TTLL11: variants seen among roughly 807,000 people sequenced by gnomAD.
The protein encoded by TTLL11 is tubulin tyrosine ligase like 11.
In TTLL11, 42 loss-of-function variants were observed where a neutral mutation model predicts 51.7. That is an observed-to-expected ratio of 0.81 (90% CI 0.64 to 1.05). The LOEUF is 1.05. Among genes scored for constraint, TTLL11 ranks in the 50% least tolerant of loss-of-function variants. The pLI is 0.00. For missense variants in TTLL11, 799 were observed against 940.4 expected (o/e 0.85, Z 1.97); for synonymous variants, 381 against 383.5 (o/e 0.99, Z 0.08).
chr9:121,916,048 G>A (rs1388065145), intron 6 of TTLL11, among the ~76,000 whole-genome samples: 1 of 150,148 alleles, frequency 6.7e-6, no homozygotes, highest in Admixed American at 6.6e-5. Context: ...GGGGGTTCCT[G>A]GCAATGTTGT....
intron 3 of TTLL11, among the ~76,000 whole-genome samples, chr9:121,996,689 C>T (rs753886463): frequency 1.3e-5 from 2 of 152,230 alleles, no homozygotes; most frequent in Non-Finnish European, 2.9e-5. Context: ...TTCTGATATC[C>T]AACCCTAAGC....
At chr9:122,062,701 A>G (rs1008418271) in intron 1 of TTLL11, among the ~76,000 whole-genome samples, 16 of 151,132 alleles carry the variant, frequency 1.1e-4, no homozygotes, top group Non-Finnish European at 3.0e-5. Flanking sequence ...ACTCCTGACC[A>G]CAGGTGATCC....
intron 8 of TTLL11, among the ~76,000 whole-genome samples, chr9:121,849,039 A>G (rs1837594258): frequency 6.6e-6 from 1 of 152,264 alleles, no homozygotes; most frequent in Non-Finnish European, 1.5e-5. Flanking sequence ...TGGTATTAGT[A>G]AAAGAATAGG....
intron 3 of TTLL11, among the ~76,000 whole-genome samples, chr9:122,003,878 G>T (rs749339804): frequency 9.9e-5 from 15 of 151,024 alleles, no homozygotes; most frequent in Non-Finnish European, 1.9e-4. Flanking sequence ...AGCACTTTGG[G>T]AGGCCGAGGT....
rs549707463 is a variant in TTLL11, at chr9:121,818,703, A to C, written c.*3884T>G. The stretch of plus-strand genomic sequence containing the variant: ...CCACTGGGCAGAGGAAGGCCATTCC[A>C]GGCAGAGGGGCCAGCAAGACAAGGG... On this transcript the variant is annotated 3_prime_UTR_variant, in exon 9 of 9. Transcript: ENST00000321582. 1 of 152,692 alleles carries C rather than the reference A, an allele frequency of 6.5e-6. No individual in the cohort carries two copies. The highest frequency in any genetic ancestry group is 1.9e-4 in the East Asian group (1 of 5,194). The allele number at this position is 152,692 out of a possible 1,614,324, so 9.5% of individuals were successfully genotyped here. A position where few individuals can be genotyped will look rare whatever the true frequency, so the allele number is the denominator to read the frequency against.
intron 8 of TTLL11, among the ~76,000 whole-genome samples, chr9:121,852,984 G>C (rs1361159151): frequency 6.6e-6 from 1 of 152,218 alleles, no homozygotes; most frequent in African/African-American, 2.4e-5. Flanking sequence ...ATGTATAAAG[G>C]AGACTGCGCT....
chr9:121,951,311 A>G (rs1427130632), intron 6 of TTLL11, among the ~76,000 whole-genome samples: 1 of 152,140 alleles, frequency 6.6e-6, no homozygotes, highest in Non-Finnish European at 1.5e-5. Flanking sequence ...TTTTTGTAAG[A>G]GCTGACAGAA....
chr9:121,974,051 G>A lies in TTLL11; in HGVS notation c.1439C>T (p.Thr480Ile). ...EEVKVAVIRD[T>I]LRLMDPLKKK... ...CTTAAGTGGGTCCATGAGGCGCAGA[G>A]TGTCTCTGATCACAGCCACTTTCAC... Residue 480 changes from threonine (T) to isoleucine (I), a missense_variant, in exon 6 of 9, where the codon ACT becomes ATT. Thr to Ile is a moderately conservative substitution (Grantham distance 89, BLOSUM62 -1). This residue lies in a region of TTLL11 where 468 missense variants were observed against 612.8 expected (regional missense o/e 0.76). Transcript: ENST00000321582. 1 of 1,551,738 alleles carries A rather than the reference G, an allele frequency of 6.4e-7. No homozygotes were observed. The highest frequency in any genetic ancestry group is 8.7e-7 in the Non-Finnish European group (1 of 1,146,998).
intron 6 of TTLL11, among the ~76,000 whole-genome samples, chr9:121,958,190 C>T (rs891126689): frequency 1.3e-5 from 2 of 152,224 alleles, no homozygotes; most frequent in African/African-American, 2.4e-5. Context: ...CAACTAAGAC[C>T]TGAATGGCTA....
chr9:121,973,709 G>A (rs1240908474), intron 6 of TTLL11, among the ~76,000 whole-genome samples: 2 of 151,948 alleles, frequency 1.3e-5, no homozygotes, highest in Non-Finnish European at 2.9e-5. Flanking sequence ...AAACCTGCAC[G>A]TTGTGCACAT....
chr9:122,025,861 T>C (rs1411126015), intron 3 of TTLL11, among the ~76,000 whole-genome samples: 1 of 152,160 alleles, frequency 6.6e-6, no homozygotes, highest in Non-Finnish European at 1.5e-5. Flanking sequence ...GGTGTATTTG[T>C]AACAGCCAGA....
At chr9:121,998,109 A>T (rs1843335973) in intron 3 of TTLL11, among the ~76,000 whole-genome samples, 1 of 152,180 alleles carries the variant, frequency 6.6e-6, no homozygotes, top group East Asian at 1.9e-4. Context: ...CCTGCTAATG[A>T]ACTGGCTACA....
chr9:122,068,164 T>C (rs1845637487), intron 1 of TTLL11, among the ~76,000 whole-genome samples: 1 of 152,220 alleles, frequency 6.6e-6, no homozygotes, highest in Admixed American at 6.5e-5. Flanking sequence ...AGTAAATCAA[T>C]ATATAACGAT....
intron 6 of TTLL11, among the ~76,000 whole-genome samples, chr9:121,949,898 A>G (rs973614112): frequency 1.3e-5 from 2 of 152,052 alleles, no homozygotes; most frequent in African/African-American, 4.8e-5. Context: ...TCTCTGCCCC[A>G]GGCAACATGT....
chr9:122,092,681 C>T lies in TTLL11; in HGVS notation c.462+6G>A, dbSNP rs1309582448. 2 of 1,536,708 alleles carry T rather than the reference C, an allele frequency of 1.3e-6. No homozygotes were observed. Among genetic ancestry groups the T allele is most frequent in the East Asian group, 4.9e-5 (2 of 40,896 alleles). On this transcript the variant is annotated splice_donor_region_variant and intron_variant, in intron 1 of 8. Coordinates refer to ENST00000321582, the MANE Select transcript of TTLL11 (RefSeq NM_001139442.2). Reference sequence around the variant, plus strand: ...GCCCACGCGGCCGGGTCGGGCCGGGCCTCACCTCCTTCCACTTGAGCTGGC... The same window carrying T: ...GCCCACGCGGCCGGGTCGGGCCGGGTCTCACCTCCTTCCACTTGAGCTGGC...
chr9:121,850,314 T>C (rs370266560), intron 8 of TTLL11, among the ~76,000 whole-genome samples: 1 of 152,008 alleles, frequency 6.6e-6, no homozygotes, highest in East Asian at 1.9e-4. Context: ...GTGGAGACCC[T>C]AGGAAGTCAG....
chr9:122,091,648 A>G (rs966863016), intron 1 of TTLL11, among the ~76,000 whole-genome samples: 31 of 152,214 alleles, frequency 2.0e-4, no homozygotes, highest in Non-Finnish European at 4.0e-4. Context: ...TACCATAGCC[A>G]AGGCACAGGG....
intron 2 of TTLL11, among the ~76,000 whole-genome samples, chr9:122,038,693 G>A (rs1844765244): frequency 6.6e-6 from 1 of 152,118 alleles, no homozygotes; most frequent in South Asian, 2.1e-4. Flanking sequence ...AAGTTGTATT[G>A]GGAGGTTGGT....
chr9:121,881,497 CT>C (rs1368538955), intron 6 of TTLL11, among the ~76,000 whole-genome samples: 1 of 152,234 alleles, frequency 6.6e-6, no homozygotes, highest in Non-Finnish European at 1.5e-5. Flanking sequence ...CATCTGCACA[CT>C]TTGTTAATTT....
Sources: gnomAD v4.1 joint callset for allele counts (sites outside exome capture counted in the v4.1 genomes callset) on GRCh38, gnomAD v4.1.1 for gene constraint, gnomAD v4.1.1 regional missense constraint, MANE v1.5 for transcripts, NCBI Gene and HGNC (gene_info 2026-07-23, HGNC 2026-07-21) for gene names.